LRRC1: variants seen among roughly 807,000 people sequenced by gnomAD.
LRRC1 encodes the protein leucine-rich repeat-containing protein 1.
In LRRC1, 28 loss-of-function variants were observed where a neutral mutation model predicts 69.9. The observed-to-expected ratio is 0.40, with a 90% confidence interval of 0.30 to 0.55. The LOEUF is 0.55. Among genes scored for constraint, LRRC1 ranks in the 20% least tolerant of loss-of-function variants. The pLI is 0.47. For missense variants in LRRC1, 498 were observed against 609.0 expected, an observed-to-expected ratio of 0.82 and a Z score of 1.92; for synonymous variants, 236 against 240.2, an observed-to-expected ratio of 0.98 and a Z score of 0.16.
At chr6:53,870,039 T>TG (rs1034868621) in intron 2 of LRRC1, among the ~76,000 whole-genome samples, 1 of 152,234 alleles carries the variant, frequency 6.6e-6, no homozygotes, top group African/African-American at 2.4e-5. Context: ...TCAGGAGACT[T>TG]GCGTTCTGTT....
At chr6:53,885,296 T>C (rs1418290243) in intron 4 of LRRC1, among the ~76,000 whole-genome samples, 1 of 152,246 alleles carries the variant, frequency 6.6e-6, no homozygotes, top group African/African-American at 2.4e-5. Flanking sequence ...ATTTGAAACT[T>C]GGAAGCTTTC....
At chr6:53,881,677 A>C (rs1011237401) in intron 3 of LRRC1, among the ~76,000 whole-genome samples, 8 of 152,214 alleles carry the variant, frequency 5.3e-5, no homozygotes, top group African/African-American at 1.9e-4. Flanking sequence ...TTTAAAAGGA[A>C]CCTAGAAAGA....
At chr6:53,918,008 C>T (rs1481261123) in intron 11 of LRRC1, among the ~76,000 whole-genome samples, 1 of 152,196 alleles carries the variant, frequency 6.6e-6, no homozygotes, top group Non-Finnish European at 1.5e-5. Flanking sequence ...GAACAAATAT[C>T]CCAGAGGAAA....
At chr6:53,909,783 C>T (rs1181670604) in intron 10 of LRRC1, among the ~76,000 whole-genome samples, 1 of 152,070 alleles carries the variant, frequency 6.6e-6, no homozygotes, top group Non-Finnish European at 1.5e-5. Context: ...TATTTTTGTT[C>T]AAATTGCGTT....
At chr6:53,841,796 T>C (rs2127416188) in intron 1 of LRRC1, among the ~76,000 whole-genome samples, 1 of 152,292 alleles carries the variant, frequency 6.6e-6, no homozygotes, top group East Asian at 1.9e-4. Context: ...TTTTCATAAG[T>C]CGATATTTCT....
chr6:53,797,343 A>C (rs1430302955), intron 1 of LRRC1, among the ~76,000 whole-genome samples: 1 of 152,158 alleles, frequency 6.6e-6, no homozygotes, highest in Non-Finnish European at 1.5e-5. Flanking sequence ...TTAGTATTAA[A>C]GTTTTTAGGT....
intron 1 of LRRC1, among the ~76,000 whole-genome samples, chr6:53,828,569 ACTC>A (rs1307210472): frequency 6.6e-6 from 1 of 151,946 alleles, no homozygotes; most frequent in African/African-American, 2.4e-5. Flanking sequence ...GCCTCCCTGA[ACTC>A]CTTCCATTCC....
chr6:53,896,908 A>T lies in LRRC1; in HGVS notation c.567+16A>T. 1 of 1,503,560 alleles carries T rather than the reference A, an allele frequency of 6.7e-7. No individual in the cohort carries two copies. The highest frequency in any genetic ancestry group is 9.2e-7 in the Non-Finnish European group (1 of 1,082,508). The allele number at this position is 1,503,560 out of a possible 1,614,324, so 93.1% of individuals were successfully genotyped here. ...ATATAATTTGGTAAGTCCGTATTAGAGATTTGAATTTAACTTTGTTTTTAG... is the reference window on the plus strand; with the variant it reads ...ATATAATTTGGTAAGTCCGTATTAGTGATTTGAATTTAACTTTGTTTTTAG... On this transcript the variant is annotated intron_variant, in intron 6 of 13. Coordinates refer to ENST00000370888, the MANE Select transcript of LRRC1 (RefSeq NM_018214.5).
intron 2 of LRRC1, among the ~76,000 whole-genome samples, chr6:53,848,462 C>G (rs1000997531): frequency 6.6e-6 from 1 of 152,210 alleles, no homozygotes; most frequent in African/African-American, 2.4e-5. Flanking sequence ...GTTTCCATTT[C>G]AAACGCTGAA....
chr6:53,841,803 TTCTG>T (rs1159282043), intron 1 of LRRC1, among the ~76,000 whole-genome samples: 1 of 152,214 alleles, frequency 6.6e-6, no homozygotes, highest in African/African-American at 2.4e-5. Flanking sequence ...AAGTCGATAT[TTCTG>T]TCTACTGGAT....
intron 1 of LRRC1, among the ~76,000 whole-genome samples, chr6:53,807,955 C>G (rs942808204): frequency 6.6e-6 from 1 of 152,120 alleles, no homozygotes; most frequent in Non-Finnish European, 1.5e-5. Flanking sequence ...AGAAAGAAGG[C>G]TAGTGCAGCT....
intron 11 of LRRC1, 128 bp from the exon 12 acceptor site, chr6:53,919,369 GT>G: frequency 1.4e-6 from 1 of 736,650 alleles, no homozygotes; most frequent in Non-Finnish European, 2.0e-6. Context: ...ACATAACACC[GT>G]TTTTACATTT....
At position 53,912,711 on chromosome 6, in the gene LRRC1, T is replaced by C. The variant is rs1768451623; in HGVS notation, c.991-1143T>C. 3.3e-5 allele frequency among the ~76,000 whole-genome samples: 5 copies of C among 152,376 alleles called. 1 individual carries two copies. In the South Asian group the frequency reaches 1.0e-3, roughly 32 times the overall value. On this transcript the variant is annotated intron_variant, in intron 10 of 13. Coordinates refer to ENST00000370888, the MANE Select transcript of LRRC1 (RefSeq NM_018214.5). ...AAAATATGCATTCTGCTTTTGAAGA[T>C]ATTTTATACATATATTAAACACATG...
At chr6:53,795,920 G>T (rs990405353) in intron 1 of LRRC1, among the ~76,000 whole-genome samples, 1 of 152,248 alleles carries the variant, frequency 6.6e-6, no homozygotes, top group Non-Finnish European at 1.5e-5. Flanking sequence ...CGGCATCTTG[G>T]GAGGAATGAG....
chr6:53,814,977 A>G (rs1438250861), intron 1 of LRRC1, among the ~76,000 whole-genome samples: 1 of 152,352 alleles, frequency 6.6e-6, no homozygotes, highest in East Asian at 1.9e-4. Context: ...CCTCTTGTGT[A>G]TAAGGAACTA....
intron 2 of LRRC1, among the ~76,000 whole-genome samples, chr6:53,878,174 C>T (rs1468502350): frequency 6.6e-6 from 1 of 152,096 alleles, no homozygotes; most frequent in South Asian, 2.1e-4. Flanking sequence ...GACCTGCCCC[C>T]ATGATTCAAT....
Position 53,922,832 on chromosome 6 carries a change from G to A in LRRC1, c.*39G>A, listed in dbSNP as rs770074772. Reference sequence around the variant, plus strand: ...AGTTTTACCTCCTGTGTCTTCCTCTGCTGTCGAGACGTTCCTGTCTGCTTC... The same window carrying A: ...AGTTTTACCTCCTGTGTCTTCCTCTACTGTCGAGACGTTCCTGTCTGCTTC... On this transcript the variant is annotated 3_prime_UTR_variant, in exon 14 of 14. Coordinates refer to ENST00000370888, the MANE Select transcript of LRRC1 (RefSeq NM_018214.5). 1 of 1,596,130 alleles carries A rather than the reference G, an allele frequency of 6.3e-7. No individual in the cohort carries two copies. Among genetic ancestry groups the A allele is most frequent in the Non-Finnish European group, 8.6e-7 (1 of 1,169,188 alleles).
At position 53,797,806 on chromosome 6, in the gene LRRC1, A is replaced by T. The variant is rs554431490; in HGVS notation, c.159+2391A>T. Among the ~76,000 whole-genome samples, 61 of 152,296 alleles carry T rather than the reference A, an allele frequency of 4.0e-4. No individual in the cohort carries two copies. In the South Asian group the frequency reaches 0.01, roughly 25 times the overall value. ...CAATATCTTCCTTTTACAAATTCAG[A>T]TTCAGAATTGAGGTGACTTTCTCAG... On this transcript the variant is annotated intron_variant, in intron 1 of 13. Coordinates refer to ENST00000370888, the MANE Select transcript of LRRC1 (RefSeq NM_018214.5).
intron 1 of LRRC1, among the ~76,000 whole-genome samples, chr6:53,824,166 A>T (rs1765194882): frequency 6.7e-6 from 1 of 148,546 alleles, no homozygotes; most frequent in African/African-American, 2.5e-5. Flanking sequence ...TTATTTTTTG[A>T]CTTTTCAATA....
Sources: allele counts gnomAD v4.1 joint callset (sites outside exome capture counted in the v4.1 genomes callset), GRCh38; gene constraint gnomAD v4.1.1; transcripts MANE v1.5; gene names NCBI Gene and HGNC (gene_info 2026-07-23, HGNC 2026-07-21).